TEK: variants seen among roughly 807,000 people sequenced by gnomAD.
TEK encodes the protein angiopoietin-1 receptor.
TEK carries 43 observed loss-of-function variants against 131.8 expected under a neutral mutation model. The ratio of observed to expected loss-of-function variants is 0.33; its 90% CI spans 0.26 to 0.42. The LOEUF (loss-of-function observed/expected upper bound fraction) is 0.42. Ranked by LOEUF, TEK falls within the 10% of genes least tolerant of loss-of-function variation. The pLI, the probability that TEK is intolerant of heterozygous loss-of-function variation, is 1.00. For synonymous variants in TEK, 580 were observed against 491.6 expected, an observed-to-expected ratio of 1.18 and a Z score of -2.38; for missense variants, 1,162 against 1,384.4, an observed-to-expected ratio of 0.84 and a Z score of 2.55.
At chr9:27,126,407 A>G (rs1178219575) in intron 1 of TEK, among the ~76,000 whole-genome samples, 1 of 152,234 alleles carries the variant, frequency 6.6e-6, no homozygotes, top group African/African-American at 2.4e-5. Context: ...ACACTTGTTT[A>G]TAGTATGAGG....
At chr9:27,138,221 G>A (rs940923246) in intron 1 of TEK, among the ~76,000 whole-genome samples, 1 of 152,226 alleles carries the variant, frequency 6.6e-6, no homozygotes, top group Non-Finnish European at 1.5e-5. Flanking sequence ...TCCACAGTGT[G>A]GAAGGGGATC....
intron 21 of TEK, among the ~76,000 whole-genome samples, chr9:27,225,473 AAAAC>A (rs1826281209): frequency 1.3e-5 from 2 of 152,212 alleles, no homozygotes; most frequent in Admixed American, 1.3e-4. Context: ...AAACCTGACA[AAAAC>A]AAGCAATGGG....
chr9:27,208,303 T>TA (rs1311788779), intron 15 of TEK, among the ~76,000 whole-genome samples: 1 of 152,160 alleles, frequency 6.6e-6, no homozygotes, highest in Admixed American at 6.5e-5. Flanking sequence ...CAGCCATGTT[T>TA]ATGGCCACCA....
rs550819029 is a variant in TEK, at chr9:27,206,719, T to C, written c.2502T>C (p.Asn834=). 6.2e-7 allele frequency: 1 copy of C among 1,613,944 alleles called. No homozygotes were observed. The highest frequency in any genetic ancestry group is 1.1e-5 in the South Asian group (1 of 91,058). ...TTCAAGATGTGATTGGGGAGGGCAATTTTGGCCAAGTTCTTAAGGCGCGCA... is the reference window on the plus strand; with the variant it reads ...TTCAAGATGTGATTGGGGAGGGCAACTTTGGCCAAGTTCTTAAGGCGCGCA... ...IKFQDVIGEG[N]FGQVLKARIK... Residue 834 remains asparagine, a synonymous_variant, in exon 15 of 23, where the codon AAT becomes AAC. Transcript: ENST00000380036.
At chr9:27,147,497 T>A (rs1822973262) in intron 1 of TEK, among the ~76,000 whole-genome samples, 1 of 152,110 alleles carries the variant, frequency 6.6e-6, no homozygotes. Context: ...GCCAGATATG[T>A]GATTAGCAAA....
At chr9:27,118,162 C>T (rs1442318059) in intron 1 of TEK, among the ~76,000 whole-genome samples, 10 of 152,094 alleles carry the variant, frequency 6.6e-5, no homozygotes, top group Non-Finnish European at 1.5e-4. Context: ...GAAACAACCA[C>T]AAAACAATAA....
chr9:27,196,473 G>C (rs1315366558), intron 11 of TEK, among the ~76,000 whole-genome samples: 2 of 152,172 alleles, frequency 1.3e-5, no homozygotes, highest in Non-Finnish European at 2.9e-5. Context: ...ACTCTTAAAA[G>C]GTGCCCTTTA....
intron 22 of TEK, 41 bp downstream of exon 22, chr9:27,228,346 C>T: frequency 2.8e-6 from 4 of 1,451,016 alleles, no homozygotes; most frequent in Non-Finnish European, 3.9e-6. Context: ...AATTGGAATA[C>T]CTGATGTGCC....
At chr9:27,113,107 G>A (rs1247050341) in intron 1 of TEK, among the ~76,000 whole-genome samples, 1 of 152,196 alleles carries the variant, frequency 6.6e-6, no homozygotes, top group African/African-American at 2.4e-5. Context: ...AACATAGCAG[G>A]CAAACTGAAG....
chr9:27,221,201 T>G (rs1004426739), intron 21 of TEK, among the ~76,000 whole-genome samples: 1 of 152,186 alleles, frequency 6.6e-6, no homozygotes, highest in Non-Finnish European at 1.5e-5. Context: ...AAAGCCACTA[T>G]AGCCAGACTG....
At chr9:27,119,318 T>C (rs543168523) in intron 1 of TEK, among the ~76,000 whole-genome samples, 1 of 152,290 alleles carries the variant, frequency 6.6e-6, no homozygotes, top group African/African-American at 2.4e-5. Context: ...GGGAAGACCT[T>C]TTAAAAAAAA....
intron 20 of TEK, 47 bp from the exon 21 acceptor site, chr9:27,220,002 G>A (rs1258702520): frequency 1.3e-6 from 2 of 1,591,356 alleles, no homozygotes; most frequent in Admixed American, 1.7e-5. Context: ...AGGAAGCATT[G>A]CTTTTCATGC....
intron 7 of TEK, among the ~76,000 whole-genome samples, chr9:27,182,294 C>T (rs377125233): frequency 9.2e-5 from 14 of 152,150 alleles, no homozygotes; most frequent in African/African-American, 3.1e-4. Flanking sequence ...CATCCACCTT[C>T]ACCCCCACCC....
chr9:27,227,251 G>A (rs1378381106), intron 21 of TEK, among the ~76,000 whole-genome samples: 1 of 152,192 alleles, frequency 6.6e-6, no homozygotes, highest in East Asian at 1.9e-4. Flanking sequence ...GCAGGTTCCA[G>A]AATTCTGCAT....
intron 21 of TEK, among the ~76,000 whole-genome samples, chr9:27,224,366 T>TC (rs879793916): frequency 5.5e-4 from 83 of 152,096 alleles, no homozygotes; most frequent in Admixed American, 2.6e-3. Flanking sequence ...CTCAATAAAA[T>TC]ACTGGGAAAC....
intron 2 of TEK, among the ~76,000 whole-genome samples, chr9:27,165,532 C>G (rs566691827): frequency 2.0e-5 from 3 of 152,288 alleles, no homozygotes; most frequent in East Asian, 1.9e-4. Context: ...GCTCATATCA[C>G]AAATGTCAGC....
At chr9:27,163,204 C>G (rs1424562346) in intron 2 of TEK, among the ~76,000 whole-genome samples, 30 of 152,170 alleles carry the variant, frequency 2.0e-4, no homozygotes, top group Admixed American at 2.0e-3. Flanking sequence ...CATTTACTAG[C>G]TAGTGAGTGT....
intron 2 of TEK, among the ~76,000 whole-genome samples, chr9:27,167,140 A>T (rs964563961): frequency 6.6e-6 from 1 of 152,224 alleles, no homozygotes; most frequent in Non-Finnish European, 1.5e-5. Context: ...TTTTATTCCC[A>T]TATCTTGTCC....
chr9:27,117,976 G>A (rs1821634656), intron 1 of TEK, among the ~76,000 whole-genome samples: 1 of 152,192 alleles, frequency 6.6e-6, no homozygotes, highest in Non-Finnish European at 1.5e-5. Context: ...CTGGGGCTGG[G>A]GAGGCACTCA....
Sources: allele counts gnomAD v4.1 joint callset (sites outside exome capture counted in the v4.1 genomes callset), GRCh38; gene constraint gnomAD v4.1.1; transcripts MANE v1.5; gene names NCBI Gene and HGNC (gene_info 2026-07-23, HGNC 2026-07-21).